Variants in USP37 observed in about 807,000 individuals in gnomAD.
The protein encoded by USP37 is ubiquitin carboxyl-terminal hydrolase 37.
USP37 carries 27 observed loss-of-function variants against 124.0 expected under a neutral mutation model. That is an observed-to-expected ratio of 0.22 (90% confidence interval 0.16 to 0.30). The LOEUF is 0.30. Ranked by LOEUF, USP37 falls within the 10% of genes least tolerant of loss-of-function variation. USP37 has a pLI of 1.00. For synonymous variants in USP37, 365 were observed against 388.0 expected (o/e 0.94, Z 0.70); for missense variants, 889 against 1,140.4 (o/e 0.78, Z 3.17).
intron 16 of USP37, among the ~76,000 whole-genome samples, chr2:218,484,193 T>TG (rs1296165504): frequency 2.6e-5 from 4 of 151,994 alleles, no homozygotes; most frequent in Non-Finnish European, 5.9e-5. Flanking sequence ...TTTGTAGAGA[T>TG]GGGGGTCTCA....
chr2:218,453,085 A>G lies in USP37; in HGVS notation c.*1845T>C, dbSNP rs1305379571. ...GTAGATGGTAGGAGGCAAAGCATTT[A>G]TCAGTAGTTGAGCAAAACTGCTGAG... is the stretch of plus-strand genomic sequence containing the variant. On this transcript the variant is annotated 3_prime_UTR_variant, in exon 26 of 26. Coordinates refer to ENST00000258399, the MANE Select transcript of USP37 (RefSeq NM_020935.3). 2 of 152,250 alleles carry G rather than the reference A, an allele frequency of 1.3e-5. No individual in the cohort carries two copies. Among genetic ancestry groups the G allele is most frequent in the Non-Finnish European group, 2.9e-5 (2 of 68,044 alleles). The allele number at this position is 152,250 out of a possible 1,614,324, so 9.4% of individuals were successfully genotyped here.
At chr2:218,557,852 A>C (rs1693092185) in intron 4 of USP37, among the ~76,000 whole-genome samples, 2 of 135,596 alleles carry the variant, frequency 1.5e-5, no homozygotes, top group Admixed American at 8.2e-5. Flanking sequence ...AATCGCTTGA[A>C]CCCGGGAGGC....
rs552752725 is a variant in USP37 at position 218,459,333 on chromosome 2, T to C, written c.2643+457A>G. 3.9e-5 allele frequency among the ~76,000 whole-genome samples: 6 copies of C among 152,094 alleles called. No individual in the cohort carries two copies. In the South Asian group the frequency reaches 6.2e-4, roughly 16 times the overall value. On this transcript the variant is annotated intron_variant, in intron 23 of 25. Coordinates refer to ENST00000258399, the MANE Select transcript of USP37 (RefSeq NM_020935.3). Reference sequence around the variant, plus strand: ...GATTCTCCTGCCTCAGCCTCCCAAATAGCTGGGATTACAGGCGTGTGCCAC... The same window carrying C: ...GATTCTCCTGCCTCAGCCTCCCAAACAGCTGGGATTACAGGCGTGTGCCAC...
intron 23 of USP37, 94 bp downstream of exon 23, chr2:218,459,696 C>T (rs4386307): frequency 3.0e-6 from 3 of 992,298 alleles, no homozygotes; most frequent in South Asian, 3.3e-5. Flanking sequence ...CAAAATGAAC[C>T]TGCAGTGGAC....
At chr2:218,529,552 T>C (rs1277763102) in intron 10 of USP37, among the ~76,000 whole-genome samples, 1 of 152,016 alleles carries the variant, frequency 6.6e-6, no homozygotes, top group Non-Finnish European at 1.5e-5. Context: ...CCCTAGCACT[T>C]TGGAAGGCTG....
intron 8 of USP37, among the ~76,000 whole-genome samples, chr2:218,540,263 G>A (rs1691902523): frequency 6.6e-6 from 1 of 152,224 alleles, no homozygotes; most frequent in East Asian, 1.9e-4. Context: ...CTAAACGAAG[G>A]AATGATTCAC....
chr2:218,510,188 C>T (rs1689897216), intron 10 of USP37, 48 bp from the exon 11 acceptor site: 1 of 1,567,652 alleles, frequency 6.4e-7, no homozygotes, highest in Non-Finnish European at 8.6e-7. Context: ...TTTTTGAATA[C>T]TACTATTTTC....
chr2:218,565,946 G>A (rs1693574513), intron 1 of USP37, among the ~76,000 whole-genome samples: 1 of 152,184 alleles, frequency 6.6e-6, no homozygotes, highest in Non-Finnish European at 1.5e-5. Flanking sequence ...GTACTTGGGA[G>A]GCTGAGACAA....
intron 14 of USP37, 47 bp from the exon 15 acceptor site, chr2:218,488,468 G>T: frequency 2.3e-6 from 3 of 1,277,876 alleles, no homozygotes; most frequent in Non-Finnish European, 3.3e-6. Context: ...CAATACACAA[G>T]AAACACAAAT....
chr2:218,521,660 G>A (rs922258336), intron 10 of USP37, among the ~76,000 whole-genome samples: 3 of 152,134 alleles, frequency 2.0e-5, no homozygotes, highest in Non-Finnish European at 4.4e-5. Context: ...TCCCTGCAAA[G>A]GACATGAACT....
intron 8 of USP37, among the ~76,000 whole-genome samples, chr2:218,542,079 T>C (rs1047930140): frequency 1.3e-5 from 2 of 152,194 alleles, no homozygotes; most frequent in Non-Finnish European, 2.9e-5. Context: ...AGAGTTTCCC[T>C]GCTAGATCAA....
intron 11 of USP37, among the ~76,000 whole-genome samples, chr2:218,502,066 A>G (rs1050030042): frequency 1.3e-5 from 2 of 152,174 alleles, no homozygotes; most frequent in African/African-American, 2.4e-5. Context: ...GCCTTAGAGT[A>G]AAGGATACTC....
intron 10 of USP37, among the ~76,000 whole-genome samples, chr2:218,510,657 C>A (rs371182721): frequency 1.3e-5 from 2 of 152,288 alleles, no homozygotes; most frequent in Non-Finnish European, 1.5e-5. Flanking sequence ...ACAACAGTGA[C>A]CTTCCATCGC....
Position 218,529,537 on chromosome 2 carries a change from T to C in USP37, c.863+419A>G, listed in dbSNP as rs968011907. 2.0e-5 allele frequency among the ~76,000 whole-genome samples: 3 copies of C among 151,826 alleles called. 1 individual carries two copies. The highest frequency in any genetic ancestry group is 4.4e-5 in the Non-Finnish European group (3 of 67,946). ...GGAGCAGGAGCAGTGGTTCAACACT[T>C]ATAACCCTAGCACTTTGGAAGGCTG... On this transcript the variant is annotated intron_variant, in intron 10 of 25. Coordinates refer to ENST00000258399, the MANE Select transcript of USP37 (RefSeq NM_020935.3).
chr2:218,475,276 A>G (rs1324743910), intron 19 of USP37, among the ~76,000 whole-genome samples: 1 of 152,212 alleles, frequency 6.6e-6, no homozygotes, highest in African/African-American at 2.4e-5. Context: ...TATAAATGTT[A>G]GCTGATCTTA....
At chr2:218,563,805 G>A (rs1439483140) in intron 1 of USP37, among the ~76,000 whole-genome samples, 1 of 152,160 alleles carries the variant, frequency 6.6e-6, no homozygotes, top group African/African-American at 2.4e-5. Flanking sequence ...TGTAATCCCA[G>A]CACTTTGGGA....
rs776864873 is a variant in USP37, at chr2:218,451,225, A to T, written c.*3705T>A. 4 of 152,184 alleles carry T rather than the reference A, an allele frequency of 2.6e-5. No homozygotes were observed. Among genetic ancestry groups the T allele is most frequent in the Non-Finnish European group, 5.9e-5 (4 of 68,028 alleles). The allele number at this position is 152,184 out of a possible 1,614,324, so 9.4% of individuals were successfully genotyped here. The stretch of plus-strand genomic sequence containing the variant: ...AGTATAAAGCAAAATGGGGAGGAAA[A>T]AGACATCCATCCATTTTATTGGAAC... On this transcript the variant is annotated 3_prime_UTR_variant, in exon 26 of 26. Coordinates refer to ENST00000258399, the MANE Select transcript of USP37 (RefSeq NM_020935.3).
chr2:218,539,631 C>G (rs1691863359), intron 8 of USP37, among the ~76,000 whole-genome samples: 1 of 151,958 alleles, frequency 6.6e-6, no homozygotes, highest in African/African-American at 2.4e-5. Flanking sequence ...GGAAGGATCG[C>G]CTGAGCCCGG....
At chr2:218,467,569 G>A (rs1426115588) in intron 20 of USP37, among the ~76,000 whole-genome samples, 1 of 151,950 alleles carries the variant, frequency 6.6e-6, no homozygotes, top group Non-Finnish European at 1.5e-5. Context: ...GGCTGGTCTC[G>A]AACTCCCGAC....
Sources: allele counts gnomAD v4.1 joint callset (sites outside exome capture counted in the v4.1 genomes callset), GRCh38; gene constraint gnomAD v4.1.1; transcripts MANE v1.5; gene names NCBI Gene and HGNC (gene_info 2026-07-23, HGNC 2026-07-21).